TTC28: variants seen among roughly 807,000 people sequenced by gnomAD.
TTC28 encodes the protein tetratricopeptide repeat protein 28.
TTC28 carries 61 observed loss-of-function variants against 198.0 expected under a neutral mutation model. The ratio of observed to expected loss-of-function variants is 0.31; its 90% confidence interval spans 0.25 to 0.38. TTC28 has a LOEUF of 0.38. Among genes scored for constraint, TTC28 ranks in the 10% least tolerant of loss-of-function variants. TTC28 has a pLI of 1.00. For synonymous variants in TTC28, 1,171 were observed against 1,297.8 expected (o/e 0.90, Z 2.10); for missense variants, 2,678 against 3,164.0 (o/e 0.85, Z 3.69).
chr22:28,314,925 G>A (rs928137651), intron 2 of TTC28, among the ~76,000 whole-genome samples: 1 of 152,048 alleles, frequency 6.6e-6, no homozygotes, highest in Admixed American at 6.6e-5. Context: ...TGTGTACTGG[G>A]GACTATCTGC....
At chr22:28,289,884 C>T (rs1174811694) in intron 5 of TTC28, among the ~76,000 whole-genome samples, 2 of 151,794 alleles carry the variant, frequency 1.3e-5, no homozygotes, top group African/African-American at 2.4e-5. Context: ...ATTAGCTGGG[C>T]GTGGTGGTGC....
At chr22:28,426,228 A>AAAAG (rs1230469056) in intron 2 of TTC28, among the ~76,000 whole-genome samples, 9 of 151,366 alleles carry the variant, frequency 5.9e-5, no homozygotes, top group East Asian at 1.9e-4. Flanking sequence ...AAAAAAAAAA[A>AAAAG]AAAGAAAGAA....
intron 2 of TTC28, among the ~76,000 whole-genome samples, chr22:28,567,787 G>A (rs961657855): frequency 8.6e-5 from 13 of 151,678 alleles, no homozygotes; most frequent in African/African-American, 2.9e-4. Flanking sequence ...AGAATTCAAC[G>A]CAAAACATAG....
At chr22:28,359,768 G>T (rs1054639029) in intron 2 of TTC28, among the ~76,000 whole-genome samples, 2 of 152,160 alleles carry the variant, frequency 1.3e-5, no homozygotes, top group Non-Finnish European at 2.9e-5. Context: ...TGGGCATTTT[G>T]ATTAATTCTG....
intron 2 of TTC28, among the ~76,000 whole-genome samples, chr22:28,574,353 TTGTGTG>T (rs145439302): frequency 7.4e-4 from 110 of 148,628 alleles, no homozygotes; most frequent in African/African-American, 2.4e-3. Flanking sequence ...ACTCCACTGT[TTGTGTG>T]TGTGTGTGTG....
Position 28,254,174 on chromosome 22 carries a change from C to A in TTC28, c.933+42024G>T, listed in dbSNP as rs7511189. On this transcript the variant is annotated intron_variant, in intron 5 of 22. Coordinates refer to ENST00000397906, the MANE Select transcript of TTC28 (RefSeq NM_001145418.2). ...AGTAATGAGTCCACAATTAGATAAT[C>A]TTAGTTTGGGGTACCTAAATGCATG... Among the ~76,000 whole-genome samples the A allele has an allele frequency of 8.5e-3, 1,293 of 151,292 alleles. 17 individuals are homozygous for A. Among genetic ancestry groups the A allele is most frequent in the African/African-American group, 0.03 (1,222 of 41,242 alleles).
At chr22:28,326,450 G>A (rs1011563823) in intron 2 of TTC28, among the ~76,000 whole-genome samples, 4 of 152,048 alleles carry the variant, frequency 2.6e-5, no homozygotes, top group Non-Finnish European at 5.9e-5. Flanking sequence ...TAGTGGTAAC[G>A]ATTATATGAC....
chr22:28,011,025 A>G (rs911955932), intron 14 of TTC28, among the ~76,000 whole-genome samples: 12 of 152,188 alleles, frequency 7.9e-5, no homozygotes, highest in Admixed American at 1.3e-4. Context: ...CCTGAGTCCA[A>G]TCAGGCACAG....
chr22:28,634,485 G>A (rs1458827620), intron 1 of TTC28, among the ~76,000 whole-genome samples: 6 of 127,978 alleles, frequency 4.7e-5, no homozygotes, highest in Non-Finnish European at 9.4e-5. Context: ...CCAGCCTGGC[G>A]ACTAAGCGAG....
chr22:28,307,047 A>G (rs1175058591), intron 2 of TTC28, among the ~76,000 whole-genome samples: 1 of 152,170 alleles, frequency 6.6e-6, no homozygotes, highest in Non-Finnish European at 1.5e-5. Flanking sequence ...GATGAATTCT[A>G]CTTATTTTCT....
At chr22:28,672,502 C>G (rs146169370) in intron 1 of TTC28, among the ~76,000 whole-genome samples, 3 of 151,806 alleles carry the variant, frequency 2.0e-5, no homozygotes, top group African/African-American at 7.3e-5. Context: ...TGGTTTCACC[C>G]TGTTGGTCAG....
intron 5 of TTC28, among the ~76,000 whole-genome samples, chr22:28,184,669 G>A (rs1924026248): frequency 6.6e-6 from 1 of 151,744 alleles, no homozygotes; most frequent in Admixed American, 6.6e-5. Flanking sequence ...ATTAAATATA[G>A]GTTATACTGA....
chr22:28,131,305 T>A (rs762694359), intron 6 of TTC28, among the ~76,000 whole-genome samples: 8 of 152,240 alleles, frequency 5.3e-5, no homozygotes, highest in Non-Finnish European at 7.3e-5. Flanking sequence ...ACAGAGATGT[T>A]GCTTGACTTG....
chr22:27,992,905 C>T, intron 18 of TTC28: 1 of 568,016 alleles, frequency 1.8e-6, no homozygotes, highest in Non-Finnish European at 3.1e-6. Context: ...GCCACACTCC[C>T]AGGACCCAGG....
chr22:28,119,733 TTGAG>T (rs1401189903), intron 6 of TTC28, among the ~76,000 whole-genome samples: 2 of 152,188 alleles, frequency 1.3e-5, no homozygotes, highest in African/African-American at 2.4e-5. Context: ...TAGCACCACA[TTGAG>T]TAACACTGGA....
intron 2 of TTC28, among the ~76,000 whole-genome samples, chr22:28,421,708 G>A (rs2047256397): frequency 6.6e-6 from 1 of 152,114 alleles, no homozygotes; most frequent in Admixed American, 6.5e-5. Context: ...AGCACTTTGG[G>A]AACCCAAGGC....
At chr22:28,217,099 A>T (rs542196042) in intron 5 of TTC28, among the ~76,000 whole-genome samples, 3 of 152,264 alleles carry the variant, frequency 2.0e-5, no homozygotes, top group African/African-American at 7.2e-5. Context: ...AGATATAGGC[A>T]AGAGATTTGC....
intron 2 of TTC28, among the ~76,000 whole-genome samples, chr22:28,394,838 G>T (rs1421956344): frequency 6.6e-6 from 1 of 152,066 alleles, no homozygotes; most frequent in Non-Finnish European, 1.5e-5. Context: ...ATATCATATT[G>T]TCCCCAGTTG....
At position 27,981,565 on chromosome 22, in the gene TTC28, C is replaced by G. The variant is rs1281154718; in HGVS notation, c.*656G>C. On this transcript the variant is annotated 3_prime_UTR_variant, in exon 23 of 23. Coordinates refer to ENST00000397906, the MANE Select transcript of TTC28 (RefSeq NM_001145418.2). Reference sequence around the variant, plus strand: ...ATTCAAGTTTGGTTGACAGCGGGACCCAAAAGACATTTGCAGAGCAGAGTT... The same window carrying G: ...ATTCAAGTTTGGTTGACAGCGGGACGCAAAAGACATTTGCAGAGCAGAGTT... 1 of 151,334 alleles carries G rather than the reference C, an allele frequency of 6.6e-6. No individual in the cohort carries two copies. The highest frequency in any genetic ancestry group is 1.5e-5 in the Non-Finnish European group (1 of 67,888). 9.4% of individuals were successfully genotyped at this position (151,334 alleles called of 1,614,324 possible).
Sources: gnomAD v4.1 joint callset for allele counts (sites outside exome capture counted in the v4.1 genomes callset) on GRCh38, gnomAD v4.1.1 for gene constraint, MANE v1.5 for transcripts, NCBI Gene and HGNC (gene_info 2026-07-23, HGNC 2026-07-21) for gene names.